The following CLEC16A variants were observed in gnomAD, a reference collection of about 807,000 sequenced individuals.
The protein encoded by CLEC16A is protein CLEC16A.
CLEC16A carries 51 observed loss-of-function variants against 109.5 expected under a neutral mutation model. The ratio of observed to expected loss-of-function variants is 0.47; its 90% CI spans 0.37 to 0.59. The LOEUF (loss-of-function observed/expected upper bound fraction) is 0.59. CLEC16A is among the 20% of genes least tolerant of loss of function. CLEC16A has a pLI of 0.00. For missense variants in CLEC16A, 1,339 were observed against 1,394.0 expected, an observed-to-expected ratio of 0.96 and a Z score of 0.63; for synonymous variants, 673 against 564.2, an observed-to-expected ratio of 1.19 and a Z score of -2.73.
intron 19 of CLEC16A, among the ~76,000 whole-genome samples, chr16:11,113,271 G>A (rs1163972662): frequency 6.6e-6 from 1 of 152,218 alleles, no homozygotes; most frequent in East Asian, 1.9e-4. Flanking sequence ...GCCTCATAAA[G>A]ACCTGAGTCC....
At chr16:11,081,057 A>G (rs1298046606) in intron 19 of CLEC16A, among the ~76,000 whole-genome samples, 1 of 152,200 alleles carries the variant, frequency 6.6e-6, no homozygotes, top group Non-Finnish European at 1.5e-5. Flanking sequence ...ACACGCTGCA[A>G]TTGAGGAAGC....
At chr16:10,952,871 A>G (rs1274558065) in intron 1 of CLEC16A, among the ~76,000 whole-genome samples, 2 of 152,228 alleles carry the variant, frequency 1.3e-5, no homozygotes, top group Non-Finnish European at 2.9e-5. Context: ...CAACTCTAAC[A>G]ATAGATCTGC....
rs1160278944 is a variant in CLEC16A at position 11,179,946 on chromosome 16, C to T, written c.*1256C>T. On this transcript the variant is annotated 3_prime_UTR_variant, in exon 24 of 24. Coordinates refer to ENST00000409790, the MANE Select transcript of CLEC16A (RefSeq NM_015226.3). ...GATGTTCCTTTCTACTCGGCCAGCTCGGGAGCCAGACACAGCACTCACAGC... is the reference window on the plus strand; with the variant it reads ...GATGTTCCTTTCTACTCGGCCAGCTTGGGAGCCAGACACAGCACTCACAGC... 6.5e-5 allele frequency: 10 copies of T among 152,912 alleles called. No homozygotes were observed. Among genetic ancestry groups the T allele is most frequent in the African/African-American group, 2.2e-4 (9 of 41,476 alleles). The allele number at this position is 152,912 out of a possible 1,614,324, so 9.5% of individuals were successfully genotyped here.
chr16:11,136,844 C>T (rs1288480806), intron 22 of CLEC16A, among the ~76,000 whole-genome samples: 1 of 152,212 alleles, frequency 6.6e-6, no homozygotes, highest in African/African-American at 2.4e-5. Context: ...GCACTGCGCC[C>T]ATCTGAGCCA....
chr16:11,123,812 G>A lies in CLEC16A; in HGVS notation c.2339G>A (p.Ser780Asn). Residue 780 changes from serine (S) to asparagine (N), a missense_variant, in exon 21 of 24, where the codon AGC becomes AAC. Transcript: ENST00000409790. Reference sequence around the variant, plus strand: ...ATCACCATCCACAAGCCTGCGTCCAGCCCCCATTCCAAGCCCTTCCCCATC... The same window carrying A: ...ATCACCATCCACAAGCCTGCGTCCAACCCCCATTCCAAGCCCTTCCCCATC... ...LNITIHKPAS[S>N]PHSKPFPILQ... The A allele has an allele frequency of 6.2e-7, 1 of 1,614,022 alleles. No individual in the cohort carries two copies. Among genetic ancestry groups the A allele is most frequent in the Non-Finnish European group, 8.5e-7 (1 of 1,179,896 alleles).
At chr16:11,046,795 A>G (rs11859648) in intron 16 of CLEC16A, among the ~76,000 whole-genome samples, 16,999 of 152,216 alleles carry the variant, frequency 0.11, 959 homozygotes, top group African/African-American at 0.13. Flanking sequence ...CTGAGGAACA[A>G]CATAACCCCG....
chr16:11,080,360 G>T (rs1463697777), intron 19 of CLEC16A, among the ~76,000 whole-genome samples: 6 of 152,234 alleles, frequency 3.9e-5, no homozygotes, highest in African/African-American at 1.2e-4. Context: ...ACAGGGACAA[G>T]AATTGCTTCT....
Position 10,969,155 on chromosome 16 carries a change from C to T in CLEC16A, c.344-6C>T. On this transcript the variant is annotated splice_polypyrimidine_tract_variant and splice_region_variant and intron_variant, in intron 3 of 23. Transcript: ENST00000409790. ...GTTAACCTGTTTTGTTTTTTTCTCCCTCTAGATTATTTGCTCTCAAATAAC... is the reference window on the plus strand; with the variant it reads ...GTTAACCTGTTTTGTTTTTTTCTCCTTCTAGATTATTTGCTCTCAAATAAC... 6.2e-7 allele frequency: 1 copy of T among 1,603,802 alleles called. No homozygotes were observed. The highest frequency in any genetic ancestry group is 1.7e-5 in the Admixed American group (1 of 57,514).
intron 23 of CLEC16A, among the ~76,000 whole-genome samples, 152 bp downstream of exon 23, chr16:11,166,704 T>G (rs1379631412): frequency 6.6e-6 from 1 of 152,164 alleles, no homozygotes; most frequent in African/African-American, 2.4e-5. Context: ...CTCTAGAGAT[T>G]CCTCTAACTT....
At chr16:11,098,528 G>T (rs917899763) in intron 19 of CLEC16A, among the ~76,000 whole-genome samples, 57 of 152,200 alleles carry the variant, frequency 3.7e-4, no homozygotes, top group African/African-American at 1.3e-3. Context: ...GGGCGTTAGT[G>T]TGGCCATCCA....
At chr16:11,057,778 T>G (rs935598213) in intron 18 of CLEC16A, among the ~76,000 whole-genome samples, 1 of 152,010 alleles carries the variant, frequency 6.6e-6, no homozygotes, top group Non-Finnish European at 1.5e-5. Context: ...GCCTTAAATC[T>G]TTTGGAGGTC....
In CLEC16A at chr16:11,003,122, C is replaced by A; in HGVS notation, c.1120C>A (p.Arg374=). The change falls in exon 11 of 24, where the codon CGG becomes AGG. Residue 374 remains arginine (R), a synonymous_variant. Coordinates refer to ENST00000409790, the MANE Select transcript of CLEC16A (RefSeq NM_015226.3). ...CFIKPTETLE[R]SLEMNKHKGK... ...CATTAAACCCACCGAGACACTCGAG[C>A]GGTCCCTTGAGATGAACAAGCACAA... 1.2e-6 allele frequency: 2 copies of A among 1,613,534 alleles called. No homozygotes were observed. The highest frequency in any genetic ancestry group is 1.7e-6 in the Non-Finnish European group (2 of 1,179,820).
Position 10,959,068 on chromosome 16 carries a change from T to G in CLEC16A, c.209+1158T>G, listed in dbSNP as rs375571266. On this transcript the variant is annotated intron_variant, in intron 2 of 23. Transcript: ENST00000409790. ...GTGTGTGTGTCTGTATTATAAATAT[T>G]GAGGCCACTTTTAAAACTCATTTTT... Among the ~76,000 whole-genome samples the G allele has an allele frequency of 1.1e-4, 17 of 150,728 alleles. No homozygotes were observed. In the East Asian group the frequency reaches 2.9e-3, roughly 26 times the overall value.
chr16:11,085,670 G>C (rs981457215), intron 19 of CLEC16A, among the ~76,000 whole-genome samples: 1 of 152,260 alleles, frequency 6.6e-6, no homozygotes, highest in Non-Finnish European at 1.5e-5. Flanking sequence ...CTGGATCTGA[G>C]TGGCTTCATC....
intron 3 of CLEC16A, among the ~76,000 whole-genome samples, chr16:10,968,250 TG>T (rs2042608790): frequency 6.6e-6 from 1 of 152,250 alleles, no homozygotes; most frequent in African/African-American, 2.4e-5. Context: ...AGGCTGCAGC[TG>T]GCTAGTAGAC....
chr16:11,068,415 G>T (rs193078849), intron 19 of CLEC16A, among the ~76,000 whole-genome samples: 5 of 152,340 alleles, frequency 3.3e-5, no homozygotes, highest in Admixed American at 2.6e-4. Context: ...GTGACAGTCT[G>T]TCCACGCAGA....
chr16:11,079,183 G>C (rs896886434), intron 19 of CLEC16A, among the ~76,000 whole-genome samples: 3 of 152,186 alleles, frequency 2.0e-5, no homozygotes, highest in Non-Finnish European at 4.4e-5. Flanking sequence ...TGCAGAACTT[G>C]AAACTCCCTG....
chr16:11,044,138 G>A (rs1935017140), intron 16 of CLEC16A, 66 bp downstream of exon 16: 4 of 1,383,680 alleles, frequency 2.9e-6, no homozygotes, highest in Non-Finnish European at 4.0e-6. Flanking sequence ...TGTGGTGTCT[G>A]GTTCTATGCA....
At chr16:11,044,927 C>CAAA (rs71404442) in intron 16 of CLEC16A, among the ~76,000 whole-genome samples, 6 of 86,928 alleles carry the variant, frequency 6.9e-5, no homozygotes, top group South Asian at 3.6e-4. Context: ...AACTCCATCT[C>CAAA]AAAAAAAAAA....
Sources: allele counts gnomAD v4.1 joint callset (sites outside exome capture counted in the v4.1 genomes callset), GRCh38; gene constraint gnomAD v4.1.1; transcripts MANE v1.5; gene names NCBI Gene and HGNC (gene_info 2026-07-23, HGNC 2026-07-21).